The following PLA1A variants were observed in gnomAD, a reference collection of about 807,000 sequenced individuals.
PLA1A encodes the protein phospholipase A1 member A, also known as phosphatidylserine-specific phospholipase A1alpha.
A neutral mutation model predicts 49.4 loss-of-function variants in PLA1A; 47 were observed. That is an observed-to-expected ratio of 0.95 (90% CI 0.75 to 1.21). PLA1A has a LOEUF of 1.21. Among genes scored for constraint, PLA1A ranks in the 50% most tolerant of loss-of-function variants. The probability of loss-of-function intolerance (pLI) is 0.00; values close to 1 mark genes in which losing one functional copy is unlikely to be tolerated. For missense variants in PLA1A, 561 were observed against 563.9 expected, an observed-to-expected ratio of 0.99 and a Z score of 0.05; for synonymous variants, 224 against 207.9, an observed-to-expected ratio of 1.08 and a Z score of -0.67.
intron 1 of PLA1A, among the ~76,000 whole-genome samples, chr3:119,602,119 C>T (rs2082625086): frequency 6.6e-6 from 1 of 152,044 alleles, no homozygotes; most frequent in Admixed American, 6.5e-5. Context: ...ATGAAAGTAG[C>T]CTTTAGTTTT....
At chr3:119,615,830 AAAAAGAAAAAGAAAAG>A (rs1560083175) in intron 5 of PLA1A, among the ~76,000 whole-genome samples, 166 bp from the exon 6 acceptor site, 1 of 142,298 alleles carries the variant, frequency 7.0e-6, no homozygotes. Flanking sequence ...CTCAGAAAAA[AAAAAGAAAAAGAAAAG>A]AAAAGAAAAG....
At chr3:119,625,339 T>A in intron 9 of PLA1A, 107 bp downstream of exon 9, 1 of 722,314 alleles carries the variant, frequency 1.4e-6, no homozygotes, top group Non-Finnish European at 2.4e-6. Flanking sequence ...TGCTGATGCA[T>A]GGGCCCAGCC....
At chr3:119,628,076 C>T (rs1376671296) in intron 9 of PLA1A, among the ~76,000 whole-genome samples, 5 of 152,236 alleles carry the variant, frequency 3.3e-5, no homozygotes, top group Admixed American at 3.3e-4. Flanking sequence ...GTCTCCTCAG[C>T]TGAAGTCAGT....
intron 1 of PLA1A, among the ~76,000 whole-genome samples, chr3:119,603,534 A>T (rs1482257902): frequency 6.6e-6 from 1 of 152,194 alleles, no homozygotes; most frequent in Non-Finnish European, 1.5e-5. Context: ...ATTTGGAATT[A>T]CTGTGGTATT....
rs758356076 is a variant in PLA1A, at chr3:119,618,203, T to C, written c.922+17T>C. The C allele has an allele frequency of 1.3e-6, 2 of 1,588,610 alleles. No individual in the cohort carries two copies. Among genetic ancestry groups the C allele is most frequent in the East Asian group, 2.3e-5 (1 of 44,042 alleles). On this transcript the variant is annotated intron_variant, in intron 7 of 10. Coordinates refer to ENST00000273371, the MANE Select transcript of PLA1A (RefSeq NM_015900.4). ...CAAGGATAGGTAAAGTGCTACCCCT[T>C]TGACTTCCTTTGACAATGTGGGGAA...
intron 8 of PLA1A, among the ~76,000 whole-genome samples, chr3:119,621,169 T>A (rs1251109850): frequency 6.6e-6 from 1 of 152,218 alleles, no homozygotes; most frequent in Non-Finnish European, 1.5e-5. Flanking sequence ...CCTCTGTGTC[T>A]GTGCAGCTAA....
At chr3:119,607,345 A>G (rs541973616) in intron 2 of PLA1A, among the ~76,000 whole-genome samples, 1 of 152,280 alleles carries the variant, frequency 6.6e-6, no homozygotes, top group African/African-American at 2.4e-5. Flanking sequence ...CGTCATACCC[A>G]GAGGTTATGG....
At chr3:119,609,628 C>A in intron 4 of PLA1A, 52 bp downstream of exon 4, 1 of 1,015,460 alleles carries the variant, frequency 9.8e-7, no homozygotes, top group Non-Finnish European at 1.5e-6. Context: ...AGAAAGCTTG[C>A]CCTGAAAATA....
intron 2 of PLA1A, among the ~76,000 whole-genome samples, chr3:119,608,296 GAAAA>G (rs1324074991): frequency 4.8e-5 from 7 of 145,266 alleles, no homozygotes; most frequent in African/African-American, 1.5e-4. Context: ...AAGAAAGAAA[GAAAA>G]AGAAAATGTC....
intron 9 of PLA1A, 86 bp from the exon 10 acceptor site, chr3:119,628,615 A>C: frequency 7.8e-7 from 1 of 1,284,686 alleles, no homozygotes; most frequent in Admixed American, 1.9e-5. Flanking sequence ...AACCAGTGCC[A>C]CCAGCAGAGC....
At chr3:119,612,557 T>C (rs935249961) in intron 4 of PLA1A, among the ~76,000 whole-genome samples, 3 of 152,088 alleles carry the variant, frequency 2.0e-5, no homozygotes, top group African/African-American at 7.2e-5. Context: ...GGCGCGATCT[T>C]GGCTTACTGC....
At chr3:119,607,177 TCTC>T in intron 2 of PLA1A, 1 of 583,374 alleles carries the variant, frequency 1.7e-6, no homozygotes, top group Non-Finnish European at 3.1e-6. Flanking sequence ...ATATGTTACT[TCTC>T]CACCCAGTCT....
chr3:119,608,252 GAA>G (rs1446081512), intron 2 of PLA1A, among the ~76,000 whole-genome samples: 1 of 120,428 alleles, frequency 8.3e-6, no homozygotes, highest in African/African-American at 3.0e-5. Context: ...GAGAAAGAAA[GAA>G]AGAAAGAAAG....
At chr3:119,623,524 G>C (rs534648369) in intron 8 of PLA1A, among the ~76,000 whole-genome samples, 1 of 152,070 alleles carries the variant, frequency 6.6e-6, no homozygotes, top group Non-Finnish European at 1.5e-5. Context: ...TGTACACCCA[G>C]TCTATGTTGG....
chr3:119,614,385 C>A (rs968977640), intron 5 of PLA1A, among the ~76,000 whole-genome samples: 1 of 152,030 alleles, frequency 6.6e-6, no homozygotes, highest in East Asian at 1.9e-4. Flanking sequence ...GGGTGGATCA[C>A]AAGGTCAGGA....
chr3:119,600,991 C>T (rs549876914), intron 1 of PLA1A, among the ~76,000 whole-genome samples: 2 of 152,318 alleles, frequency 1.3e-5, no homozygotes, highest in South Asian at 4.1e-4. Flanking sequence ...GGGGCCTCCG[C>T]CCTCCTCCCC....
chr3:119,629,355 A>T, intron 10 of PLA1A, 29 bp from the exon 11 acceptor site: 1 of 1,339,016 alleles, frequency 7.5e-7, no homozygotes, highest in Non-Finnish European at 1.1e-6. Context: ...CTCACCAGCC[A>T]CTGCTCTCTT....
intron 6 of PLA1A, 120 bp from the exon 7 acceptor site, chr3:119,617,899 G>T: frequency 1.5e-6 from 1 of 652,364 alleles, no homozygotes; most frequent in Middle Eastern, 2.8e-4. Context: ...GTGATTTGAG[G>T]GGACTCCCAT....
chr3:119,602,450 C>CT (rs917511441), intron 1 of PLA1A, among the ~76,000 whole-genome samples: 3 of 152,046 alleles, frequency 2.0e-5, no homozygotes, highest in African/African-American at 4.8e-5. Flanking sequence ...TGGATATAAA[C>CT]TTTTTTATGG....
Sources: allele counts gnomAD v4.1 joint callset (sites outside exome capture counted in the v4.1 genomes callset), GRCh38; gene constraint gnomAD v4.1.1; transcripts MANE v1.5; gene names NCBI Gene and HGNC (gene_info 2026-07-23, HGNC 2026-07-21).